The following ZNF800 variants were observed in gnomAD, a reference collection of about 807,000 sequenced individuals.
The protein encoded by ZNF800 is zinc finger protein 800.
A neutral mutation model predicts 59.5 loss-of-function variants in ZNF800; 13 were observed. That is an observed-to-expected ratio of 0.22 (90% CI 0.14 to 0.35). The LOEUF (loss-of-function observed/expected upper bound fraction) is 0.35, where lower values mean the gene tolerates loss of function less well. Ranked by LOEUF, ZNF800 falls within the 10% of genes least tolerant of loss-of-function variation. ZNF800 has a pLI of 1.00. For missense variants in ZNF800, 621 were observed against 783.7 expected, an observed-to-expected ratio of 0.79 and a Z score of 2.48; for synonymous variants, 266 against 265.7, an observed-to-expected ratio of 1.00 and a Z score of -0.01.
chr7:127,377,134 A>G lies in ZNF800; in HGVS notation c.301+52T>C. 1 of 1,497,530 alleles carries G rather than the reference A, an allele frequency of 6.7e-7. No individual in the cohort carries two copies. The highest frequency in any genetic ancestry group is 9.1e-7 in the Non-Finnish European group (1 of 1,104,066). 92.8% of individuals were successfully genotyped at this position (1,497,530 alleles called of 1,614,324 possible). The stretch of plus-strand genomic sequence containing the variant: ...TTTAATGCAAATGTATACTTGCAGT[A>G]TAAGAATACTTAGCTGTAAAATGCA... On this transcript the variant is annotated intron_variant, in intron 4 of 5. Coordinates refer to ENST00000265827, the MANE Select transcript of ZNF800 (RefSeq NM_176814.5). The surrounding 1 kb of genome is among the most constrained non-coding windows in gnomAD (Gnocchi z 4.7).
chr7:127,375,159 G>T, intron 4 of ZNF800, 125 bp from the exon 5 acceptor site: 1 of 764,430 alleles, frequency 1.3e-6, no homozygotes, highest in Non-Finnish European at 1.9e-6. Context: ...TTTTATAAGA[G>T]CATTATCTAC....
chr7:127,353,603 T>C (rs920639808), intron 1 of ZNF800, among the ~76,000 whole-genome samples: 3 of 152,218 alleles, frequency 2.0e-5, no homozygotes, highest in Non-Finnish European at 4.4e-5. Context: ...AATAATACAT[T>C]GAGAAGGCCT....
chr7:127,363,239 T>C (rs779543778), intron 1 of ZNF800: 9 of 151,988 alleles, frequency 5.9e-5, no homozygotes, highest in Non-Finnish European at 7.4e-5. Flanking sequence ...ACAAATGGTC[T>C]TATAATAAGG....
rs1471285666 is a variant in ZNF800, at chr7:127,370,361, T to A, written c.*1453A>T. ...TTTGCTGAAGCACATTTAGCTGAAA[T>A]AACTTCGATTCTGGTTTATTTCCAT... On this transcript the variant is annotated 3_prime_UTR_variant, in exon 6 of 6. Transcript: ENST00000265827. 6.6e-6 allele frequency: 1 copy of A among 152,612 alleles called. No homozygotes were observed. 9.5% of individuals were successfully genotyped at this position (152,612 alleles called of 1,614,324 possible). A position where few individuals can be genotyped will look rare whatever the true frequency, so the allele number is the denominator to read the frequency against.
downstream of ZNF800, among the ~76,000 whole-genome samples, chr7:127,343,879 A>G (rs577811496): frequency 6.6e-6 from 1 of 152,212 alleles, no homozygotes; most frequent in South Asian, 2.1e-4. Flanking sequence ...GTAAAATCAC[A>G]TGATCATTTC....
downstream of ZNF800, among the ~76,000 whole-genome samples, chr7:127,343,825 T>C (rs1800010391): frequency 1.3e-5 from 2 of 152,036 alleles, no homozygotes; most frequent in Non-Finnish European, 2.9e-5. Context: ...AATCCAGTAT[T>C]GAGAAACTAC....
intron 4 of ZNF800, among the ~76,000 whole-genome samples, chr7:127,375,735 A>G (rs958326278): frequency 1.3e-5 from 2 of 152,004 alleles, no homozygotes; most frequent in African/African-American, 4.8e-5. Context: ...CAGGCAATCA[A>G]CTATCCTATT....
At chr7:127,376,910 T>C (rs1358734211) in intron 4 of ZNF800, among the ~76,000 whole-genome samples, 2 of 151,960 alleles carry the variant, frequency 1.3e-5, no homozygotes, top group Admixed American at 1.3e-4. Flanking sequence ...ATCCAATATT[T>C]TAATATAAAT....
chr7:127,386,384 A>G (rs1368890858), intron 2 of ZNF800, among the ~76,000 whole-genome samples: 4 of 152,220 alleles, frequency 2.6e-5, no homozygotes, highest in Non-Finnish European at 5.9e-5. Context: ...CTCAAAGGCT[A>G]ACTTAAGGCT....
At chr7:127,375,822 T>C (rs915552801) in intron 4 of ZNF800, among the ~76,000 whole-genome samples, 13 of 151,956 alleles carry the variant, frequency 8.6e-5, no homozygotes, top group Non-Finnish European at 1.8e-4. Flanking sequence ...TAGTACCAAA[T>C]CTGGTATCTA....
At chr7:127,363,748 A>G (rs1279641419) in intron 1 of ZNF800, 1 of 152,120 alleles carries the variant, frequency 6.6e-6, no homozygotes, top group Non-Finnish European at 1.5e-5. Context: ...AATACTGAGT[A>G]AGATAACTGG....
At chr7:127,390,476 G>C (rs1170297967) in intron 2 of ZNF800, among the ~76,000 whole-genome samples, 1 of 152,090 alleles carries the variant, frequency 6.6e-6, no homozygotes, top group Non-Finnish European at 1.5e-5. Context: ...CTCATCTGTA[G>C]CAAAGTTTTC....
At chr7:127,384,502 G>A (rs1223218213) in intron 3 of ZNF800, among the ~76,000 whole-genome samples, 1 of 151,648 alleles carries the variant, frequency 6.6e-6, no homozygotes, top group Non-Finnish European at 1.5e-5. Context: ...CCAAAGTGCT[G>A]GGATTACAGA....
At chr7:127,360,987 A>G (rs1399143083) in intron 1 of ZNF800, 2 of 152,138 alleles carry the variant, frequency 1.3e-5, no homozygotes, top group Non-Finnish European at 2.9e-5. Context: ...TATAGGTCAC[A>G]AACTGTACTC....
In ZNF800 at chr7:127,377,244, TA is replaced by T. The variant is rs767729921; in HGVS notation, c.242del (p.Leu81TyrfsTer4). ...CKLCRSLFRG[L>X]PNLITHKKFY... ...ATTTTTTATGGGTAATTAAATTTGG[TA>T]ATCCTCTGAAGAGACTGCGGCATAA... On this transcript the variant is annotated frameshift_variant, in exon 4 of 6. Coordinates refer to ENST00000265827, the MANE Select transcript of ZNF800 (RefSeq NM_176814.5). LOFTEE classifies it high-confidence loss of function. The surrounding 1 kb of genome is among the most constrained non-coding windows in gnomAD (Gnocchi z 4.7). 6.2e-7 allele frequency: 1 copy of T among 1,612,350 alleles called. No homozygotes were observed. The highest frequency in any genetic ancestry group is 8.5e-7 in the Non-Finnish European group (1 of 1,178,848).
chr7:127,378,904 G>A (rs1487774729), intron 3 of ZNF800, among the ~76,000 whole-genome samples: 4 of 152,024 alleles, frequency 2.6e-5, no homozygotes, highest in Non-Finnish European at 5.9e-5. Flanking sequence ...GTTTACTCAT[G>A]TTGTAAAATA....
chr7:127,379,550 A>G (rs1346450839), intron 3 of ZNF800, among the ~76,000 whole-genome samples: 1 of 152,210 alleles, frequency 6.6e-6, no homozygotes, highest in Non-Finnish European at 1.5e-5. Flanking sequence ...GATTTAAAGC[A>G]TAAAATAATC....
At chr7:127,363,592 G>A (rs1462840055) in intron 1 of ZNF800, 2 of 151,514 alleles carry the variant, frequency 1.3e-5, no homozygotes, top group Non-Finnish European at 2.9e-5. Flanking sequence ...AGTTATAAAC[G>A]GGGCACCACA....
At chr7:127,343,741 T>C (rs1444293266), downstream of ZNF800, among the ~76,000 whole-genome samples, 5 of 151,876 alleles carry the variant, frequency 3.3e-5, no homozygotes, top group Admixed American at 3.3e-4. Context: ...ATGTAAGAAA[T>C]TGAGTTCAAC....
Sources: allele counts gnomAD v4.1 joint callset (sites outside exome capture counted in the v4.1 genomes callset), GRCh38; gene constraint gnomAD v4.1.1; non-coding constraint Gnocchi (gnomAD v3.1); transcripts MANE v1.5; gene names NCBI Gene and HGNC (gene_info 2026-07-23, HGNC 2026-07-21).